The following CDH26 variants were observed in gnomAD, a reference collection of about 807,000 sequenced individuals.
The protein encoded by CDH26 is cadherin 26, also known as cadherin-like protein 26.
In CDH26, 83 loss-of-function variants were observed where a neutral mutation model predicts 90.3. The ratio of observed to expected loss-of-function variants is 0.92; its 90% CI spans 0.77 to 1.10. CDH26 has a LOEUF of 1.10. CDH26 is among the 50% of genes least tolerant of loss of function. The pLI is 0.00. For synonymous variants in CDH26, 397 were observed against 396.3 expected, an observed-to-expected ratio of 1.00 and a Z score of -0.02; for missense variants, 1,013 against 1,037.6, an observed-to-expected ratio of 0.98 and a Z score of 0.33.
intron 11 of CDH26, among the ~76,000 whole-genome samples, chr20:59,994,907 G>C (rs2061573865): frequency 6.6e-6 from 1 of 152,168 alleles, no homozygotes; most frequent in African/African-American, 2.4e-5. Flanking sequence ...TGGGATCTGG[G>C]CTCACCCTCT....
Position 59,983,051 on chromosome 20 carries a change from G to T in CDH26, c.522G>T (p.Val174=), listed in dbSNP as rs1295078922. ...CAGAGAAGGAATTTAACATCACTGTGCAAGAAAACCAATCTGCAGGTGTGT... is the reference window on the plus strand; with the variant it reads ...CAGAGAAGGAATTTAACATCACTGTTCAAGAAAACCAATCTGCAGGTGTGT... ...QFPEKEFNIT[V]QENQSAGQPI... Residue 174 remains valine, a synonymous_variant, in exon 5 of 18, where the codon GTG becomes GTT. Coordinates refer to ENST00000348616, the MANE Select transcript of CDH26 (RefSeq NM_177980.4). The T allele has an allele frequency of 6.2e-7, 1 of 1,614,016 alleles. No individual in the cohort carries two copies.
chr20:59,987,645 C>T lies in CDH26; in HGVS notation c.1023+7C>T. On this transcript the variant is annotated splice_region_variant and intron_variant, in intron 8 of 17. Transcript: ENST00000348616. ...GATATTAAATGTTATCAAGGTAACACCATACCGGTGACATACCAACCAGTT... is the reference window on the plus strand; with the variant it reads ...GATATTAAATGTTATCAAGGTAACATCATACCGGTGACATACCAACCAGTT... 3.7e-6 allele frequency: 6 copies of T among 1,600,006 alleles called. No individual in the cohort carries two copies. Among genetic ancestry groups the T allele is most frequent in the Non-Finnish European group, 5.1e-6 (6 of 1,172,448 alleles).
chr20:60,004,542 G>A (rs193250862), intron 16 of CDH26, among the ~76,000 whole-genome samples: 63 of 152,128 alleles, frequency 4.1e-4, no homozygotes, highest in South Asian at 3.5e-3. Context: ...CGAGGCAGGC[G>A]TATCACGAGA....
In CDH26 at chr20:59,994,445, C is replaced by T. The variant is rs781714295; in HGVS notation, c.1622C>T (p.Thr541Ile). ...SDPFTFELDN[T>I]WGNAEDTWKL... Reference sequence around the variant, plus strand: ...CCATTTACATTTGAATTGGACAATACCTGGGGAAATGCGGAGGACACATGG... The same window carrying T: ...CCATTTACATTTGAATTGGACAATATCTGGGGAAATGCGGAGGACACATGG... The change falls in exon 11 of 18, where the codon ACC (threonine) becomes ATC (isoleucine). Residue 541 changes from threonine to isoleucine, a missense_variant. By Grantham distance (89) the Thr-to-Ile change is moderately conservative. Transcript: ENST00000348616. The T allele has an allele frequency of 8.2e-5, 133 of 1,613,942 alleles. No homozygotes were observed. The highest frequency in any genetic ancestry group is 6.7e-4 in the South Asian group (61 of 91,082).
rs1569044098 is a variant in CDH26 at position 59,992,480 on chromosome 20, T to C, written c.1386T>C (p.Asn462=). The change falls in exon 10 of 18, where the codon AAT becomes AAC. Residue 462 remains asparagine, a synonymous_variant. Transcript: ENST00000348616. The surrounding 1 kb of genome is among the most constrained non-coding windows in gnomAD (Gnocchi z 5.0). ...EPIDRESPHV[N]NSFYVIIIHA... ...TTGACCGAGAATCCCCTCATGTAAA[T>C]AACAGTTTTTATGTAATCATCATTC... 1 of 1,614,152 alleles carries C rather than the reference T, an allele frequency of 6.2e-7. No individual in the cohort carries two copies. Among genetic ancestry groups the C allele is most frequent in the Admixed American group, 1.7e-5 (1 of 60,012 alleles).
chr20:59,970,171 C>T lies in CDH26; in HGVS notation c.216C>T (p.Pro72=). Reference sequence around the variant, plus strand: ...AGGAGGAAGACCCGGGACCCTTTCCCAAACTCATTGGTGAGGTAAGGTGCC... The same window carrying T: ...AGGAGGAAGACCCGGGACCCTTTCCTAAACTCATTGGTGAGGTAAGGTGCC... ...ELEEEDPGPF[P]KLIGELFNNM... Residue 72 remains proline (P), a synonymous_variant, in exon 3 of 18, where the codon CCC becomes CCT. Coordinates refer to ENST00000348616, the MANE Select transcript of CDH26 (RefSeq NM_177980.4). 6.2e-7 allele frequency: 1 copy of T among 1,613,982 alleles called. No individual in the cohort carries two copies. Among genetic ancestry groups the T allele is most frequent in the Non-Finnish European group, 8.5e-7 (1 of 1,179,952 alleles).
chr20:59,970,239 G>C, intron 3 of CDH26, 53 bp downstream of exon 3: 1 of 1,591,482 alleles, frequency 6.3e-7, no homozygotes, highest in Non-Finnish European at 8.5e-7. Flanking sequence ...AAGTAAGCAC[G>C]CCCCTTTGGC....
At chr20:59,974,759 G>C (rs919899132) in intron 4 of CDH26, among the ~76,000 whole-genome samples, 1 of 152,092 alleles carries the variant, frequency 6.6e-6, no homozygotes, top group African/African-American at 2.4e-5. Flanking sequence ...AAAGATACAG[G>C]GTGGGGATTC....
In CDH26 at chr20:59,970,194, G is replaced by A. The variant is rs367835493; in HGVS notation, c.231+8G>A. The A allele has an allele frequency of 5.6e-6, 9 of 1,612,764 alleles. No homozygotes were observed. Among genetic ancestry groups the A allele is most frequent in the Non-Finnish European group, 7.6e-6 (9 of 1,179,496 alleles). ...CCCAAACTCATTGGTGAGGTAAGGTGCCTACTCTTAAGGAATGACCCCATC... is the reference window on the plus strand; with the variant it reads ...CCCAAACTCATTGGTGAGGTAAGGTACCTACTCTTAAGGAATGACCCCATC... On this transcript the variant is annotated splice_region_variant and intron_variant, in intron 3 of 17. Coordinates refer to ENST00000348616, the MANE Select transcript of CDH26 (RefSeq NM_177980.4).
chr20:59,999,790 C>T lies in CDH26; in HGVS notation c.2097+127C>T, dbSNP rs552527642. 86 of 754,374 alleles carry T rather than the reference C, an allele frequency of 1.1e-4. 2 individuals are homozygous for T. In the South Asian group the frequency reaches 1.4e-3, roughly 13 times the overall value. The allele number at this position is 754,374 out of a possible 1,614,324, so 46.7% of individuals were successfully genotyped here. The stretch of plus-strand genomic sequence containing the variant: ...GGGAGGTTCTTCTTCAAGTCAGCAA[C>T]CCCAGCCCCTACTTGCAAAGCCCCA... On this transcript the variant is annotated intron_variant, in intron 14 of 17. Coordinates refer to ENST00000348616, the MANE Select transcript of CDH26 (RefSeq NM_177980.4).
Position 59,989,141 on chromosome 20 carries a change from A to G in CDH26, c.1261A>G (p.Met421Val). The G allele has an allele frequency of 3.7e-6, 6 of 1,614,180 alleles. No homozygotes were observed. The highest frequency in any genetic ancestry group is 5.1e-6 in the Non-Finnish European group (6 of 1,180,026). ...PGTLLGTFNA[M>V]DPDSQIRYEL... Reference sequence around the variant, plus strand: ...GACCCTGTTGGGAACTTTTAATGCCATGGATCCAGACAGCCAGATAAGGTG... The same window carrying G: ...GACCCTGTTGGGAACTTTTAATGCCGTGGATCCAGACAGCCAGATAAGGTG... Residue 421 changes from methionine to valine, a missense_variant, in exon 9 of 18, where the codon ATG (methionine) becomes GTG (valine). Physicochemically the swap from Met to Val is conservative, Grantham distance 21 (BLOSUM62 1). Coordinates refer to ENST00000348616, the MANE Select transcript of CDH26 (RefSeq NM_177980.4).
rs756733929 is a variant in CDH26 at position 59,983,085 on chromosome 20, G to A, written c.541+15G>A. 4.3e-6 allele frequency: 7 copies of A among 1,611,270 alleles called. No homozygotes were observed. In the South Asian group the frequency reaches 7.7e-5, roughly 18 times the overall value. ...CCAATCTGCAGGTGTGTGCGGCTGGGGGGCTGCCGGGCTTCCTTCTGTCTC... is the reference window on the plus strand; with the variant it reads ...CCAATCTGCAGGTGTGTGCGGCTGGAGGGCTGCCGGGCTTCCTTCTGTCTC... On this transcript the variant is annotated intron_variant, in intron 5 of 17. Transcript: ENST00000348616.
intron 1 of CDH26, among the ~76,000 whole-genome samples, chr20:59,963,205 A>G (rs1011503731): frequency 5.9e-5 from 9 of 151,992 alleles, no homozygotes; most frequent in African/African-American, 2.2e-4. Flanking sequence ...ACTCCAGAGC[A>G]TAAATTACCT....
intron 7 of CDH26, among the ~76,000 whole-genome samples, chr20:60,023,126 G>A (rs2061970994): frequency 6.6e-6 from 1 of 152,240 alleles, no homozygotes; most frequent in Non-Finnish European, 1.5e-5. Flanking sequence ...AGGTGGGGCA[G>A]CCATTCTGGT....
chr20:60,028,921 GA>G (rs941946012), intron 7 of CDH26, among the ~76,000 whole-genome samples: 5 of 152,100 alleles, frequency 3.3e-5, no homozygotes, highest in Non-Finnish European at 7.3e-5. Flanking sequence ...CCATGGTGTG[GA>G]AAAAACCTCA....
At position 60,001,583 on chromosome 20, in the gene CDH26, A is replaced by G. The variant is rs894867845; in HGVS notation, c.2166+172A>G. On this transcript the variant is annotated intron_variant, in intron 15 of 17. Transcript: ENST00000348616. ...TCCACCCGACTCTATTTCCATCTATAGAACTAGGTATTATTATTGGTGATG... is the reference window on the plus strand; with the variant it reads ...TCCACCCGACTCTATTTCCATCTATGGAACTAGGTATTATTATTGGTGATG... The G allele has an allele frequency of 9.1e-6, 9 of 985,354 alleles. No individual in the cohort carries two copies. The African/African-American group carries it at 1.6e-4, about 17-fold the overall frequency. The allele number at this position is 985,354 out of a possible 1,614,324, so 61.0% of individuals were successfully genotyped here.
chr20:59,959,717 T>C (rs889720842), intron 1 of CDH26, among the ~76,000 whole-genome samples: 21 of 152,190 alleles, frequency 1.4e-4, no homozygotes, highest in African/African-American at 5.1e-4. Context: ...ATAATGATAC[T>C]TCTGTTCACA....
intron 3 of CDH26, among the ~76,000 whole-genome samples, chr20:59,970,884 C>T (rs2061253653): frequency 6.6e-6 from 1 of 151,816 alleles, no homozygotes; most frequent in South Asian, 2.1e-4. Context: ...TTTTGCCCTT[C>T]TAAAGACTTT....
At chr20:59,972,888 C>T (rs1232436266) in intron 4 of CDH26, among the ~76,000 whole-genome samples, 1 of 152,138 alleles carries the variant, frequency 6.6e-6, no homozygotes, top group Non-Finnish European at 1.5e-5. Context: ...TACTTATATA[C>T]ACAATAAAAG....
Sources: allele counts gnomAD v4.1 joint callset (sites outside exome capture counted in the v4.1 genomes callset), GRCh38; gene constraint gnomAD v4.1.1; non-coding constraint Gnocchi (gnomAD v3.1); transcripts MANE v1.5; gene names NCBI Gene and HGNC (gene_info 2026-07-23, HGNC 2026-07-21).